HTT: variants seen among roughly 807,000 people sequenced by gnomAD.
The protein encoded by HTT is huntington disease protein.
A neutral mutation model predicts 362.3 loss-of-function variants in HTT; 104 were observed. That is an observed-to-expected ratio of 0.29 (90% confidence interval 0.24 to 0.34). HTT has a LOEUF of 0.34. Ranked by LOEUF, HTT falls within the 10% of genes least tolerant of loss-of-function variation. The pLI, the probability that HTT is intolerant of heterozygous loss-of-function variation, is 1.00. For missense variants in HTT, 3,301 were observed against 3,928.6 expected (o/e 0.84, Z 4.27); for synonymous variants, 1,577 against 1,548.7 (o/e 1.02, Z -0.43).
chr4:3,135,444 TTG>T (rs202218612), intron 19 of HTT, among the ~76,000 whole-genome samples: 1 of 145,232 alleles, frequency 6.9e-6, no homozygotes, highest in African/African-American at 2.8e-5. Context: ...AATTTAGGGT[TTG>T]TTTTTTTTTT....
intron 21 of HTT, among the ~76,000 whole-genome samples, chr4:3,140,307 T>C (rs2079066762): frequency 6.6e-6 from 1 of 151,070 alleles, no homozygotes; most frequent in African/African-American, 2.4e-5. Flanking sequence ...CCCAGTTATG[T>C]CCGAGTGGGT....
chr4:3,239,128 A>G, intron 66 of HTT, 150 bp downstream of exon 66: 1 of 822,112 alleles, frequency 1.2e-6, no homozygotes, highest in Non-Finnish European at 1.9e-6. Context: ...TAAAATGCTG[A>G]CAGGGGTACA....
At position 3,243,807 on chromosome 4, in the gene HTT, G is replaced by T. The variant is rs1721929005; in HGVS notation, c.*3748G>T. 1 of 152,294 alleles carries T rather than the reference G, an allele frequency of 6.6e-6. No individual in the cohort carries two copies. The highest frequency in any genetic ancestry group is 1.5e-5 in the Non-Finnish European group (1 of 68,072). The allele number at this position is 152,294 out of a possible 1,614,324, so 9.4% of individuals were successfully genotyped here. The stretch of plus-strand genomic sequence containing the variant: ...TCAGCTGAGCTTGAGCTCCCCTGGA[G>T]CCAGCAGGGCTGTGATGGGCGAGTC... On this transcript the variant is annotated 3_prime_UTR_variant, in exon 67 of 67. Transcript: ENST00000355072.
rs760743587 is a variant in HTT, at chr4:3,236,168, G to A, written c.8805G>A (p.Pro2935=). ...CMYTGKEKVS[P]GRTSDPNPAA... is the part of the protein sequence containing the mutation. ...TTACAGGAAAGGAGAAAGTCAGTCC[G>A]GGTAGAACTTCAGACCCTAATCCTG... is the stretch of plus-strand genomic sequence containing the variant. The change falls in exon 64 of 67, where the codon CCG becomes CCA. Residue 2935 remains proline (P), a synonymous_variant. Transcript: ENST00000355072. 18 of 1,613,748 alleles carry A rather than the reference G, an allele frequency of 1.1e-5. No homozygotes were observed. The highest frequency in any genetic ancestry group is 6.7e-5 in the East Asian group (3 of 44,902).
At chr4:3,148,278 G>T in intron 26 of HTT, 71 bp downstream of exon 26, 1 of 1,119,132 alleles carries the variant, frequency 8.9e-7, no homozygotes, top group Non-Finnish European at 1.3e-6. Context: ...CCTTTGTTTA[G>T]TAATCTGTCC....
chr4:3,176,934 C>CGTGTCGCCTCTCAGATG (rs1718270022), intron 33 of HTT, among the ~76,000 whole-genome samples: 1 of 152,186 alleles, frequency 6.6e-6, no homozygotes, highest in South Asian at 2.1e-4. Context: ...GCAGCCCTTA[C>CGTGTCGCCTCTCAGATG]GTGTCGCCTC....
intron 27 of HTT, 75 bp downstream of exon 27, chr4:3,154,494 T>C: frequency 6.4e-7 from 1 of 1,561,770 alleles, no homozygotes; most frequent in Non-Finnish European, 8.7e-7. Flanking sequence ...TTAAGTAACT[T>C]GGTGTTTTAG....
At position 3,127,404 on chromosome 4, in the gene HTT, T is replaced by A. The variant is rs978635156; in HGVS notation, c.1543T>A (p.Cys515Ser). ...LQADSVDLAS[C>S]DLTSSATDGD... ...GGCGGACTCAGTGGATCTGGCCAGC[T>A]GTGACTTGACAAGCTCTGCCACTGA... The change falls in exon 12 of 67, where the codon TGT (cysteine) becomes AGT (serine). Residue 515 changes from cysteine (C) to serine (S), a missense_variant. Transcript: ENST00000355072. 5 of 1,614,030 alleles carry A rather than the reference T, an allele frequency of 3.1e-6. No homozygotes were observed. The African/African-American group carries it at 6.7e-5, about 22-fold the overall frequency.
chr4:3,235,215 G>C, intron 61 of HTT, 69 bp from the exon 62 acceptor site: 1 of 1,115,382 alleles, frequency 9.0e-7, no homozygotes, highest in Non-Finnish European at 1.4e-6. Context: ...CGTGGGGCCG[G>C]ACATGCTGTG....
At chr4:3,225,477 T>TTA (rs1329194636) in intron 56 of HTT, among the ~76,000 whole-genome samples, 184 bp from the exon 57 acceptor site, 2 of 152,188 alleles carry the variant, frequency 1.3e-5, no homozygotes, top group Non-Finnish European at 2.9e-5. Context: ...GCTTAACTGG[T>TTA]TATAAAGTGA....
rs1228722209 is a variant in HTT at position 3,243,892 on chromosome 4, G to A, written c.*3833G>A. ...GCAAAGGGAAGGACTGACGAGAGAT[G>A]TATATTTAATTTTTTAACTGCTGCA... On this transcript the variant is annotated 3_prime_UTR_variant, in exon 67 of 67. Transcript: ENST00000355072. 1 of 152,236 alleles carries A rather than the reference G, an allele frequency of 6.6e-6. No individual in the cohort carries two copies. Among genetic ancestry groups the A allele is most frequent in the Non-Finnish European group, 1.5e-5 (1 of 68,050 alleles). 9.4% of individuals were successfully genotyped at this position (152,236 alleles called of 1,614,324 possible). A position where few individuals can be genotyped will look rare whatever the true frequency, so the allele number is the denominator to read the frequency against.
At chr4:3,211,596 A>T (rs919654113) in intron 47 of HTT, among the ~76,000 whole-genome samples, 1 of 152,206 alleles carries the variant, frequency 6.6e-6, no homozygotes, top group Non-Finnish European at 1.5e-5. Flanking sequence ...GTCTTGGATG[A>T]CACTTTAGCT....
intron 32 of HTT, 55 bp downstream of exon 32, chr4:3,174,854 A>G: frequency 6.3e-7 from 1 of 1,576,352 alleles, no homozygotes; most frequent in East Asian, 2.2e-5. Flanking sequence ...CTAGAGAGGA[A>G]ACTGGAGCTG....
At chr4:3,192,617 C>G (rs1216829845) in intron 40 of HTT, among the ~76,000 whole-genome samples, 3 of 152,290 alleles carry the variant, frequency 2.0e-5, no homozygotes, top group African/African-American at 7.2e-5. Context: ...GGGAGAGGAG[C>G]ACATGCAGTA....
intron 17 of HTT, 39 bp from the exon 18 acceptor site, chr4:3,132,775 G>T: frequency 6.2e-7 from 1 of 1,612,916 alleles, no homozygotes; most frequent in Non-Finnish European, 8.5e-7. Context: ...TAAGGTTTAA[G>T]TTTAGATGAT....
intron 21 of HTT, among the ~76,000 whole-genome samples, chr4:3,140,279 A>G (rs1239210266): frequency 6.6e-6 from 1 of 151,958 alleles, no homozygotes; most frequent in Non-Finnish European, 1.5e-5. Context: ...AAAAAAAAGA[A>G]AAAAAGAAAG....
chr4:3,167,863 C>G (rs1717787577), intron 29 of HTT, among the ~76,000 whole-genome samples: 1 of 152,140 alleles, frequency 6.6e-6, no homozygotes, highest in Admixed American at 6.5e-5. Flanking sequence ...ATTCTCTGGC[C>G]TGTGTCTTTA....
rs192820409 is a variant in HTT at position 3,104,720 on chromosome 4, A to G, written c.529-637A>G. ...TTGAGACCAGGAGTTTGAGACCAGC[A>G]TGGGCAACATGGCAAAACGCTGTCT... On this transcript the variant is annotated intron_variant, in intron 4 of 66. Transcript: ENST00000355072. 7.2e-5 allele frequency among the ~76,000 whole-genome samples: 11 copies of G among 152,226 alleles called. No homozygotes were observed. In the East Asian group the frequency reaches 2.1e-3, roughly 29 times the overall value.
chr4:3,225,512 C>G (rs1012343247), intron 56 of HTT, 149 bp from the exon 57 acceptor site: 1 of 637,930 alleles, frequency 1.6e-6, no homozygotes, highest in South Asian at 2.0e-5. Context: ...CCACAGGGCT[C>G]TGCACAACCT....
Sources: gnomAD v4.1 joint callset for allele counts (sites outside exome capture counted in the v4.1 genomes callset) on GRCh38, gnomAD v4.1.1 for gene constraint, MANE v1.5 for transcripts, NCBI Gene and HGNC (gene_info 2026-07-23, HGNC 2026-07-21) for gene names.